Variants in PLG observed in about 807,000 individuals in gnomAD.
PLG encodes the protein plasmin.
In PLG, 41 loss-of-function variants were observed where a neutral mutation model predicts 104.4. The ratio of observed to expected loss-of-function variants is 0.39; its 90% confidence interval spans 0.31 to 0.51. PLG has a LOEUF of 0.51. PLG is among the 20% of genes least tolerant of loss of function. The pLI, the probability that PLG is intolerant of heterozygous loss-of-function variation, is 0.76. For synonymous variants in PLG, 337 were observed against 357.1 expected, an observed-to-expected ratio of 0.94 and a Z score of 0.63; for missense variants, 891 against 1,003.6, an observed-to-expected ratio of 0.89 and a Z score of 1.52.
At chr6:160,702,981 A>C (rs1162853185) in intron 1 of PLG, among the ~76,000 whole-genome samples, 1 of 152,192 alleles carries the variant, frequency 6.6e-6, no homozygotes, top group Non-Finnish European at 1.5e-5. Flanking sequence ...ACATACATAC[A>C]TACCTGTGTG....
chr6:160,711,270 C>T, intron 4 of PLG, 79 bp downstream of exon 4: 2 of 1,321,274 alleles, frequency 1.5e-6, no homozygotes, highest in Admixed American at 4.0e-5. Flanking sequence ...GGTTCCAGGA[C>T]CCCTGTGGCT....
rs1237317552 is a variant in PLG at position 160,740,419 on chromosome 6, A to C, written c.2019-892A>C. Among the ~76,000 whole-genome samples the C allele has an allele frequency of 6.6e-6, 1 of 152,058 alleles. No homozygotes were observed. Among genetic ancestry groups the C allele is most frequent in the Non-Finnish European group, 1.5e-5 (1 of 68,000 alleles). ...ATTTGGAAATTTTGGGTTTTGGAGG[A>C]GTTCTCTGATAGGCTGATACATTTC... On this transcript the variant is annotated intron_variant, in intron 16 of 18. Coordinates refer to ENST00000308192, the MANE Select transcript of PLG (RefSeq NM_000301.5). This position sits in a 1 kb window ranked among gnomAD's most constrained non-coding sequence, Gnocchi z 5.2.
At position 160,737,774 on chromosome 6, in the gene PLG, C is replaced by T. The variant is rs958814195; in HGVS notation, c.1803-764C>T. On this transcript the variant is annotated intron_variant, in intron 14 of 18. Transcript: ENST00000308192. This position sits in a 1 kb window ranked among gnomAD's most constrained non-coding sequence, Gnocchi z 4.7. ...AGTTTGTGAAATGCCATCGACAAAC[C>T]TGATCGCATTGCATTTCACTCTGCT... Among the ~76,000 whole-genome samples, 2 of 152,160 alleles carry T rather than the reference C, an allele frequency of 1.3e-5. No homozygotes were observed. Among genetic ancestry groups the T allele is most frequent in the East Asian group, 1.9e-4 (1 of 5,196 alleles).
chr6:160,711,205 T>C lies in PLG; in HGVS notation c.407+14T>C. 1 of 1,612,148 alleles carries C rather than the reference T, an allele frequency of 6.2e-7. No individual in the cohort carries two copies. The highest frequency in any genetic ancestry group is 8.5e-7 in the Non-Finnish European group (1 of 1,178,562). ...CCACAGACCTAGGTAAGACATTCCC[T>C]TTCATCTTTGTGTTCATCTACTGTA... is the stretch of plus-strand genomic sequence containing the variant. On this transcript the variant is annotated intron_variant, in intron 4 of 18. Transcript: ENST00000308192.
chr6:160,716,570 T>C, intron 6 of PLG, 75 bp from the exon 7 acceptor site: 2 of 904,948 alleles, frequency 2.2e-6, no homozygotes, highest in East Asian at 2.4e-5. Flanking sequence ...AGGTGCTCAA[T>C]GTTTGCTCTT....
At position 160,735,139 on chromosome 6, in the gene PLG, G is replaced by A. The variant is rs1256929973; in HGVS notation, c.1681+1051G>A. 1.3e-5 allele frequency among the ~76,000 whole-genome samples: 2 copies of A among 152,182 alleles called. No homozygotes were observed. Among genetic ancestry groups the A allele is most frequent in the Non-Finnish European group, 2.9e-5 (2 of 68,028 alleles). On this transcript the variant is annotated intron_variant, in intron 13 of 18. Coordinates refer to ENST00000308192, the MANE Select transcript of PLG (RefSeq NM_000301.5). The surrounding 1 kb of genome is among the most constrained non-coding windows in gnomAD (Gnocchi z 5.4). ...ATTGTGATCTCTGGATTTAGCATGA[G>A]TTGATAGCTGACTTTTTCTGCAGAA...
rs4252151 is a variant in PLG at position 160,737,984 on chromosome 6, A to G, written c.1803-554A>G. ...TCCTCTTCTTTAAATTTGGTTCCAA[A>G]TGGCTCACACCATTATTCTGAGCTA... On this transcript the variant is annotated intron_variant, in intron 14 of 18. Coordinates refer to ENST00000308192, the MANE Select transcript of PLG (RefSeq NM_000301.5). This position sits in a 1 kb window ranked among gnomAD's most constrained non-coding sequence, Gnocchi z 4.7. Among the ~76,000 whole-genome samples the G allele has an allele frequency of 0.35, 53,092 of 151,912 alleles. 10,615 individuals carry two copies. The highest frequency in any genetic ancestry group is 0.54 in the African/African-American group (22,429 of 41,376).
At position 160,707,717 on chromosome 6, in the gene PLG, G is replaced by C. The variant is rs540661824; in HGVS notation, c.203G>C (p.Ser68Thr). ...TTCTGCAGGGCATTCCAATATCACAGTAAAGAGCAACAATGTGTGATAATG... is the reference window on the plus strand; with the variant it reads ...TTCTGCAGGGCATTCCAATATCACACTAAAGAGCAACAATGTGTGATAATG... ...EFTCRAFQYHSKEQQCVIMAE... is the reference protein window; with the variant it reads ...EFTCRAFQYHTKEQQCVIMAE... The change falls in exon 3 of 19, where the codon AGT becomes ACT. Residue 68 changes from serine (S) to threonine (T), a missense_variant. By Grantham distance (58) the Ser-to-Thr change is moderately conservative (BLOSUM62 1). Transcript: ENST00000308192. 6.2e-7 allele frequency: 1 copy of C among 1,610,944 alleles called. No individual in the cohort carries two copies. Among genetic ancestry groups the C allele is most frequent in the East Asian group, 2.2e-5 (1 of 44,856 alleles).
intron 10 of PLG, among the ~76,000 whole-genome samples, chr6:160,730,206 G>A (rs1232794788): frequency 1.3e-5 from 2 of 152,150 alleles, no homozygotes; most frequent in African/African-American, 2.4e-5. Context: ...CGTTGTTTTC[G>A]GACTCCTCCG....
At position 160,706,418 on chromosome 6, in the gene PLG, C is replaced by A. The variant is rs755313936; in HGVS notation, c.61C>A (p.Pro21Thr). 2.5e-6 allele frequency: 4 copies of A among 1,613,044 alleles called. No homozygotes were observed. The African/African-American group carries it at 5.3e-5, about 22-fold the overall frequency. ...LLFLKSGQGE[P>T]LDDYVNTQGA... ...TCTCCCACCTCTAGGTCAAGGAGAG[C>A]CTCTGGATGACTATGTGAATACCCA... The change falls in exon 2 of 19, where the codon CCT becomes ACT. Residue 21 changes from proline to threonine, a missense_variant. Physicochemically the swap from Pro to Thr is conservative, Grantham distance 38. Transcript: ENST00000308192.
At chr6:160,710,327 T>C (rs1471500000) in intron 3 of PLG, among the ~76,000 whole-genome samples, 1 of 152,122 alleles carries the variant, frequency 6.6e-6, no homozygotes, top group Non-Finnish European at 1.5e-5. Flanking sequence ...TAATTAAATA[T>C]AAATGTAAGA....
chr6:160,745,296 G>T (rs918248069), intron 17 of PLG, among the ~76,000 whole-genome samples: 4 of 152,196 alleles, frequency 2.6e-5, no homozygotes, highest in Non-Finnish European at 4.4e-5. Flanking sequence ...AAGTCTCTTT[G>T]TAGGTCTCTA....
chr6:160,711,675 T>C (rs1777644941), intron 4 of PLG: 3 of 1,610,766 alleles, frequency 1.9e-6, no homozygotes, highest in Admixed American at 1.7e-5. Context: ...TATGGAGGTT[T>C]CTTGAAGACC....
rs375440570 is a variant in PLG at position 160,716,636 on chromosome 6, T to C, written c.669-9T>C. 6.8e-7 allele frequency: 1 copy of C among 1,478,324 alleles called. No individual in the cohort carries two copies. The highest frequency in any genetic ancestry group is 9.5e-7 in the Non-Finnish European group (1 of 1,056,418). The allele number at this position is 1,478,324 out of a possible 1,614,324, so 91.6% of individuals were successfully genotyped here. A position where few individuals can be genotyped will look rare whatever the true frequency, so the allele number is the denominator to read the frequency against. ...TTCAGTGCTACTAAAATCTTTCTTG[T>C]CCATTCAGATTTCCAAACAAGAACC... On this transcript the variant is annotated splice_polypyrimidine_tract_variant and intron_variant, in intron 6 of 18. Coordinates refer to ENST00000308192, the MANE Select transcript of PLG (RefSeq NM_000301.5).
intron 17 of PLG, among the ~76,000 whole-genome samples, chr6:160,750,080 A>C (rs1778378035): frequency 6.6e-6 from 1 of 152,262 alleles, no homozygotes; most frequent in Admixed American, 6.5e-5. Flanking sequence ...CAATAATGAC[A>C]TTGAAGCAAT....
chr6:160,748,885 A>T (rs921625045), intron 17 of PLG, among the ~76,000 whole-genome samples: 1 of 152,198 alleles, frequency 6.6e-6, no homozygotes, highest in Non-Finnish European at 1.5e-5. Context: ...TCCAGCTCTG[A>T]GAGGTCGAAC....
At chr6:160,717,143 G>A (rs966012826) in intron 7 of PLG, among the ~76,000 whole-genome samples, 5 of 151,368 alleles carry the variant, frequency 3.3e-5, no homozygotes, top group East Asian at 1.9e-4. Flanking sequence ...AACAAAGAGT[G>A]TCTTTGTTTA....
In PLG at chr6:160,723,363, C is replaced by A. The variant is rs1458198373; in HGVS notation, c.1256+796C>A. ...AGCTTTTCTTCCATAAATGAGTACA[C>A]AATATATGGAAAAAACTATTTTTAC... is the stretch of plus-strand genomic sequence containing the variant. On this transcript the variant is annotated intron_variant, in intron 10 of 18. Transcript: ENST00000308192. The surrounding 1 kb of genome is among the most constrained non-coding windows in gnomAD (Gnocchi z 4.7). 6.6e-6 allele frequency among the ~76,000 whole-genome samples: 1 copy of A among 151,948 alleles called. No homozygotes were observed. Among genetic ancestry groups the A allele is most frequent in the Admixed American group, 6.6e-5 (1 of 15,260 alleles).
In PLG at chr6:160,753,167, C is replaced by G; in HGVS notation, c.*106C>G. Reference sequence around the variant, plus strand: ...GCAGTAATCAAACGAAGACACTGTCCCCAGCTACCAGCTACGCCAAACCTC... The same window carrying G: ...GCAGTAATCAAACGAAGACACTGTCGCCAGCTACCAGCTACGCCAAACCTC... On this transcript the variant is annotated 3_prime_UTR_variant, in exon 19 of 19. Coordinates refer to ENST00000308192, the MANE Select transcript of PLG (RefSeq NM_000301.5). This position sits in a 1 kb window ranked among gnomAD's most constrained non-coding sequence, Gnocchi z 5.4. The G allele has an allele frequency of 1.4e-6, 1 of 737,578 alleles. No individual in the cohort carries two copies. The highest frequency in any genetic ancestry group is 2.3e-6 in the Non-Finnish European group (1 of 434,500). The allele number at this position is 737,578 out of a possible 1,614,324, so 45.7% of individuals were successfully genotyped here.
Sources: allele counts gnomAD v4.1 joint callset (sites outside exome capture counted in the v4.1 genomes callset), GRCh38; gene constraint gnomAD v4.1.1; non-coding constraint Gnocchi (gnomAD v3.1); transcripts MANE v1.5; gene names NCBI Gene and HGNC (gene_info 2026-07-23, HGNC 2026-07-21).